The following PTPRR variants were observed in gnomAD, a reference collection of about 807,000 sequenced individuals.
PTPRR encodes the protein protein tyrosine phosphatase receptor type R.
PTPRR carries 38 observed loss-of-function variants against 77.2 expected under a neutral mutation model. The ratio of observed to expected loss-of-function variants is 0.49; its 90% CI spans 0.38 to 0.65. The LOEUF (loss-of-function observed/expected upper bound fraction) is 0.65, where lower values mean the gene tolerates loss of function less well. PTPRR is among the 30% of genes least tolerant of loss of function. PTPRR has a pLI of 0.00. For missense variants in PTPRR, 744 were observed against 799.2 expected, an observed-to-expected ratio of 0.93 and a Z score of 0.83; for synonymous variants, 299 against 283.1, an observed-to-expected ratio of 1.06 and a Z score of -0.57.
intron 6 of PTPRR, among the ~76,000 whole-genome samples, chr12:70,716,235 A>G (rs1889023936): frequency 1.3e-5 from 2 of 151,880 alleles, no homozygotes; most frequent in South Asian, 4.1e-4. Context: ...GCTAGAAAAC[A>G]CTCAGATTGG....
chr12:70,660,525 A>G (rs11178351), intron 12 of PTPRR, among the ~76,000 whole-genome samples: 29,434 of 152,160 alleles, frequency 0.19, 4,037 homozygotes, highest in African/African-American at 0.39. Flanking sequence ...TGTTACCAAG[A>G]TACAAGCCAA....
chr12:70,740,973 T>C (rs932383847), intron 6 of PTPRR, among the ~76,000 whole-genome samples: 1 of 152,184 alleles, frequency 6.6e-6, no homozygotes, highest in Non-Finnish European at 1.5e-5. Context: ...CTGTACATTC[T>C]TCAAATTTGG....
intron 7 of PTPRR, among the ~76,000 whole-genome samples, chr12:70,699,985 A>G (rs925901835): frequency 2.0e-5 from 3 of 152,186 alleles, no homozygotes; most frequent in African/African-American, 7.2e-5. Flanking sequence ...TCATAAACAA[A>G]GAGCTGTCTG....
intron 2 of PTPRR, among the ~76,000 whole-genome samples, chr12:70,861,767 G>T (rs1010247384): frequency 1.7e-4 from 26 of 152,066 alleles, no homozygotes; most frequent in African/African-American, 6.3e-4. Context: ...TTGTTAAAGG[G>T]CCATCAATCT....
At chr12:70,702,199 C>A (rs1214622369) in intron 6 of PTPRR, among the ~76,000 whole-genome samples, 3 of 152,096 alleles carry the variant, frequency 2.0e-5, no homozygotes, top group Non-Finnish European at 4.4e-5. Context: ...GATGCTCTTA[C>A]AACTTACACA....
At chr12:70,844,986 A>G (rs1228135719) in intron 2 of PTPRR, among the ~76,000 whole-genome samples, 1 of 152,186 alleles carries the variant, frequency 6.6e-6, no homozygotes, top group Non-Finnish European at 1.5e-5. Flanking sequence ...GTAAATACAT[A>G]AAAAGAATGT....
chr12:70,661,177 T>G, intron 11 of PTPRR, 80 bp from the exon 12 acceptor site: 1 of 1,523,200 alleles, frequency 6.6e-7, no homozygotes, highest in Admixed American at 2.0e-5. Context: ...TGAATGCCTT[T>G]TATCACCCCC....
In PTPRR at chr12:70,907,044, C is replaced by A. The variant is rs190523679; in HGVS notation, c.58+13289G>T. ...AGAAAACTAAAATAAAATTTTAACACGTCCTTCCAGGACTGGTTTTTCTAA... is the reference window on the plus strand; with the variant it reads ...AGAAAACTAAAATAAAATTTTAACAAGTCCTTCCAGGACTGGTTTTTCTAA... On this transcript the variant is annotated intron_variant, in intron 1 of 13. Coordinates refer to ENST00000283228, the MANE Select transcript of PTPRR (RefSeq NM_002849.4). The A allele has an allele frequency of 2.0e-4, 31 of 152,244 alleles. No homozygotes were observed. The East Asian group carries it at 5.6e-3, about 27-fold the overall frequency. 9.4% of individuals were successfully genotyped at this position (152,244 alleles called of 1,614,324 possible). A position where few individuals can be genotyped will look rare whatever the true frequency, so the allele number is the denominator to read the frequency against.
At position 70,841,970 on chromosome 12, in the gene PTPRR, G is replaced by C. The variant is rs1892405128; in HGVS notation, c.357+50709C>G. On this transcript the variant is annotated intron_variant, in intron 2 of 13. Transcript: ENST00000283228. ...TGTCAATTTCCTTTAGGTAATATCA[G>C]CACCAGGTCCCATATCTTCAAATTT... is the stretch of plus-strand genomic sequence containing the variant. 2.0e-5 allele frequency among the ~76,000 whole-genome samples: 3 copies of C among 152,102 alleles called. No homozygotes were observed. In the South Asian group the frequency reaches 6.2e-4, roughly 32 times the overall value.
At chr12:70,834,052 C>T (rs938546449) in intron 2 of PTPRR, among the ~76,000 whole-genome samples, 1 of 152,120 alleles carries the variant, frequency 6.6e-6, no homozygotes, top group Non-Finnish European at 1.5e-5. Context: ...TAACAGCCTC[C>T]TGGGCTTGGG....
At chr12:70,816,886 A>C (rs1251502115) in intron 2 of PTPRR, among the ~76,000 whole-genome samples, 1 of 152,144 alleles carries the variant, frequency 6.6e-6, no homozygotes, top group Non-Finnish European at 1.5e-5. Context: ...TTCGATTTTA[A>C]GTGAATGATT....
At chr12:70,805,217 T>C (rs1331555726) in intron 2 of PTPRR, among the ~76,000 whole-genome samples, 1 of 152,122 alleles carries the variant, frequency 6.6e-6, no homozygotes, top group Non-Finnish European at 1.5e-5. Flanking sequence ...GTTTCTATTT[T>C]ATCCTGTAAC....
intron 1 of PTPRR, among the ~76,000 whole-genome samples, chr12:70,917,170 G>T (rs1359041086): frequency 1.3e-5 from 2 of 152,096 alleles, no homozygotes; most frequent in African/African-American, 4.8e-5. Context: ...GTATTATTGT[G>T]GTGGCTTTTA....
chr12:70,833,082 C>T lies in PTPRR; in HGVS notation c.357+59597G>A, dbSNP rs1592783570. On this transcript the variant is annotated intron_variant, in intron 2 of 13. Transcript: ENST00000283228. ...GAGGAATCTGCCCCCATGACCCAAA[C>T]ACCTCCCACCAGACCTCACCTCCAA... Among the ~76,000 whole-genome samples, 5 of 152,288 alleles carry T rather than the reference C, an allele frequency of 3.3e-5. 1 individual carries two copies. In the South Asian group the frequency reaches 1.0e-3, roughly 32 times the overall value.
chr12:70,645,889 A>G (rs1025812485), intron 13 of PTPRR, among the ~76,000 whole-genome samples: 1 of 152,126 alleles, frequency 6.6e-6, no homozygotes, highest in Non-Finnish European at 1.5e-5. Flanking sequence ...ACCTCTCCAG[A>G]TGCCCAGGAG....
At chr12:70,729,065 A>G (rs1889558827) in intron 6 of PTPRR, among the ~76,000 whole-genome samples, 1 of 152,182 alleles carries the variant, frequency 6.6e-6, no homozygotes, top group Non-Finnish European at 1.5e-5. Context: ...TTATGGGAAC[A>G]TCCTTGCGAC....
At chr12:70,760,094 A>C (rs554008276) in intron 4 of PTPRR, among the ~76,000 whole-genome samples, 5 of 152,216 alleles carry the variant, frequency 3.3e-5, no homozygotes, top group Non-Finnish European at 5.9e-5. Flanking sequence ...ATATATTCTC[A>C]TTGTGCCAAG....
At chr12:70,763,430 T>C (rs1890739115) in intron 3 of PTPRR, among the ~76,000 whole-genome samples, 1 of 152,182 alleles carries the variant, frequency 6.6e-6, no homozygotes, top group African/African-American at 2.4e-5. Flanking sequence ...CCGGGTAACC[T>C]TCACTCATTC....
At chr12:70,781,188 C>A (rs530746484) in intron 2 of PTPRR, among the ~76,000 whole-genome samples, 2 of 152,204 alleles carry the variant, frequency 1.3e-5, no homozygotes, top group Non-Finnish European at 2.9e-5. Flanking sequence ...AAAACACCAA[C>A]ATATGGCACC....
Sources: gnomAD v4.1 joint callset for allele counts (sites outside exome capture counted in the v4.1 genomes callset) on GRCh38, gnomAD v4.1.1 for gene constraint, MANE v1.5 for transcripts, NCBI Gene and HGNC (gene_info 2026-07-23, HGNC 2026-07-21) for gene names.